The following NEGR1 variants were observed in gnomAD, a reference collection of about 807,000 sequenced individuals.
NEGR1 encodes the protein IgLON family member 4.
Under a neutral mutation model 40.9 loss-of-function variants are expected in NEGR1, and 10 were observed. That is an observed-to-expected ratio of 0.24 (90% CI 0.15 to 0.42). The LOEUF is 0.42. NEGR1 is among the 10% of genes least tolerant of loss of function. NEGR1 has a pLI of 1.00. For synonymous variants in NEGR1, 185 were observed against 166.8 expected (o/e 1.11, Z -0.84); for missense variants, 352 against 438.9 (o/e 0.80, Z 1.77).
intron 3 of NEGR1, among the ~76,000 whole-genome samples, chr1:71,731,128 A>C (rs1385288718): frequency 6.6e-6 from 1 of 152,146 alleles, no homozygotes; most frequent in Admixed American, 6.6e-5. Context: ...TGAAGATAAG[A>C]TCAAGGTTAT....
intron 6 of NEGR1, among the ~76,000 whole-genome samples, chr1:71,436,278 G>A (rs1646509263): frequency 6.6e-6 from 1 of 151,852 alleles, no homozygotes; most frequent in African/African-American, 2.4e-5. Context: ...AAAGATCTTG[G>A]AGAAATTTAA....
intron 6 of NEGR1, chr1:71,463,384 G>T (rs1348745622): frequency 6.6e-6 from 1 of 152,108 alleles, no homozygotes; most frequent in African/African-American, 2.4e-5. Flanking sequence ...GACTCACTTT[G>T]TCTAATGGAA....
At chr1:71,601,227 C>A (rs1649908400) in intron 5 of NEGR1, among the ~76,000 whole-genome samples, 1 of 152,164 alleles carries the variant, frequency 6.6e-6, no homozygotes, top group Non-Finnish European at 1.5e-5. Context: ...TGCTCAGCTT[C>A]ACTAATCATC....
intron 3 of NEGR1, among the ~76,000 whole-genome samples, chr1:71,751,294 C>T (rs947362448): frequency 2.6e-5 from 4 of 152,102 alleles, no homozygotes; most frequent in African/African-American, 9.7e-5. Context: ...TTACTTATTT[C>T]ACCTCTAAAG....
At chr1:72,143,901 AT>A (rs1557548406) in intron 1 of NEGR1, among the ~76,000 whole-genome samples, 74 of 82,930 alleles carry the variant, frequency 8.9e-4, no homozygotes, top group African/African-American at 3.4e-3. Context: ...TATATTATAT[AT>A]ATGATATATA....
intron 6 of NEGR1, chr1:71,484,832 TCA>T (rs998453273): frequency 3.0e-4 from 45 of 151,770 alleles, no homozygotes; most frequent in African/African-American, 1.1e-3. Flanking sequence ...ACCTGCAAAA[TCA>T]CAGTGAGTAA....
chr1:71,838,152 G>A (rs1038906090), intron 2 of NEGR1, among the ~76,000 whole-genome samples: 5 of 151,964 alleles, frequency 3.3e-5, no homozygotes, highest in Non-Finnish European at 5.9e-5. Context: ...TTGCCTAAAA[G>A]TTATTTAGAA....
intron 1 of NEGR1, among the ~76,000 whole-genome samples, chr1:72,104,999 A>G (rs1649082587): frequency 1.3e-5 from 2 of 152,282 alleles, no homozygotes; most frequent in South Asian, 4.1e-4. Flanking sequence ...GACCCCATTC[A>G]CAGCAGAAAT....
intron 1 of NEGR1, among the ~76,000 whole-genome samples, chr1:71,957,834 A>G (rs1646131634): frequency 1.3e-5 from 2 of 152,240 alleles, no homozygotes; most frequent in Non-Finnish European, 2.9e-5. Flanking sequence ...ATGACATTTT[A>G]TAATCTGACC....
chr1:71,477,566 G>C (rs1325363118), intron 6 of NEGR1: 1 of 152,282 alleles, frequency 6.6e-6, no homozygotes, highest in Admixed American at 6.6e-5. Flanking sequence ...GCTTTGCTGG[G>C]ACTTCCTCTT....
intron 1 of NEGR1, among the ~76,000 whole-genome samples, chr1:72,232,112 T>C (rs1361498519): frequency 1.3e-5 from 2 of 151,944 alleles, no homozygotes; most frequent in African/African-American, 2.4e-5. Context: ...TCCCAGCACT[T>C]TGGGAGGCTG....
chr1:71,785,850 C>T (rs962209594), intron 2 of NEGR1, among the ~76,000 whole-genome samples: 10 of 152,134 alleles, frequency 6.6e-5, no homozygotes, highest in South Asian at 2.1e-4. Context: ...ACACCTGGCT[C>T]CTGGTTTTAT....
chr1:71,906,049 C>G (rs1424435023), intron 2 of NEGR1, among the ~76,000 whole-genome samples: 2 of 152,064 alleles, frequency 1.3e-5, no homozygotes, highest in Non-Finnish European at 1.5e-5. Context: ...CTAGCTGCAG[C>G]AAATTGAGCA....
intron 2 of NEGR1, among the ~76,000 whole-genome samples, chr1:71,903,684 A>G (rs1286968237): frequency 1.3e-5 from 2 of 151,866 alleles, no homozygotes; most frequent in Non-Finnish European, 2.9e-5. Flanking sequence ...TTTCATACAT[A>G]TACATATGTC....
At chr1:71,695,274 T>G (rs1345842415) in intron 4 of NEGR1, among the ~76,000 whole-genome samples, 2 of 151,760 alleles carry the variant, frequency 1.3e-5, no homozygotes, top group African/African-American at 4.8e-5. Context: ...CAGTTTTTCA[T>G]GGAACATTTG....
chr1:71,917,132 A>G (rs747318962), intron 2 of NEGR1, among the ~76,000 whole-genome samples: 22 of 152,226 alleles, frequency 1.4e-4, no homozygotes, highest in Non-Finnish European at 2.6e-4. Context: ...CTGGGCGCCA[A>G]TGGCTACTCA....
intron 1 of NEGR1, among the ~76,000 whole-genome samples, chr1:72,146,974 T>C (rs932576709): frequency 6.6e-5 from 10 of 152,204 alleles, no homozygotes; most frequent in African/African-American, 2.2e-4. Flanking sequence ...GACTATATTC[T>C]CTTCATTGAC....
chr1:71,879,697 C>A (rs767922397), intron 2 of NEGR1, among the ~76,000 whole-genome samples: 2 of 152,130 alleles, frequency 1.3e-5, no homozygotes, highest in African/African-American at 2.4e-5. Context: ...TTCACTAAAG[C>A]ATTTCACAAA....
intron 2 of NEGR1, among the ~76,000 whole-genome samples, chr1:71,826,987 T>C (rs183988033): frequency 5.3e-5 from 8 of 151,800 alleles, no homozygotes; most frequent in Non-Finnish European, 7.4e-5. Context: ...AAACAACTAG[T>C]GTTAAATAAT....
Sources: gnomAD v4.1 joint callset for allele counts (sites outside exome capture counted in the v4.1 genomes callset) on GRCh38, gnomAD v4.1.1 for gene constraint, MANE v1.5 for transcripts, NCBI Gene and HGNC (gene_info 2026-07-23, HGNC 2026-07-21) for gene names.